The following MYLK variants were observed in gnomAD, a reference collection of about 807,000 sequenced individuals.
MYLK encodes the protein myosin light chain kinase, also known as myosin light chain kinase, smooth muscle.
Under a neutral mutation model 203.4 loss-of-function variants are expected in MYLK, and 106 were observed. That is an observed-to-expected ratio of 0.52 (90% CI 0.45 to 0.61). The LOEUF (loss-of-function observed/expected upper bound fraction) is 0.61, where lower values mean the gene tolerates loss of function less well. MYLK is among the 20% of genes least tolerant of loss of function. MYLK has a pLI of 0.00. For synonymous variants in MYLK, 867 were observed against 959.5 expected (o/e 0.90, Z 1.78); for missense variants, 2,072 against 2,442.3 (o/e 0.85, Z 3.20).
At chr3:123,878,519 C>G (rs1412489745) in intron 1 of MYLK, among the ~76,000 whole-genome samples, 2 of 152,186 alleles carry the variant, frequency 1.3e-5, no homozygotes, top group African/African-American at 4.8e-5. Context: ...ATTGGACCCT[C>G]AGACTAAAGA....
rs2063533680 is a variant in MYLK, at chr3:123,761,519, A to T, written c.166-8981T>A. On this transcript the variant is annotated intron_variant, in intron 4 of 33. Coordinates refer to ENST00000360304, the MANE Select transcript of MYLK (RefSeq NM_053025.4). ...ATGTGGCCAGGAGAGCATCTCTTTG[A>T]CTCTGCTGGAAAATACCTGGCACAA... Among the ~76,000 whole-genome samples the T allele has an allele frequency of 2.6e-5, 4 of 152,146 alleles. No individual in the cohort carries two copies. In the South Asian group the frequency reaches 6.3e-4, roughly 24 times the overall value.
chr3:123,659,561 C>A, intron 23 of MYLK: 1 of 381,630 alleles, frequency 2.6e-6, no homozygotes, highest in South Asian at 2.0e-5. Flanking sequence ...AGTCAGAAGT[C>A]CTAGGAGATT....
At chr3:123,673,392 C>T (rs1254652845) in intron 20 of MYLK, among the ~76,000 whole-genome samples, 2 of 151,922 alleles carry the variant, frequency 1.3e-5, no homozygotes, top group Non-Finnish European at 2.9e-5. Context: ...GGATTACAGA[C>T]GTGAGCCACC....
At chr3:123,712,919 T>C (rs1344075435) in intron 13 of MYLK, among the ~76,000 whole-genome samples, 1 of 152,260 alleles carries the variant, frequency 6.6e-6, no homozygotes, top group Non-Finnish European at 1.5e-5. Flanking sequence ...AATTACTCAA[T>C]GGGTTTATCA....
chr3:123,733,819 C>T lies in MYLK; in HGVS notation c.1177G>A (p.Asp393Asn). The stretch of plus-strand genomic sequence containing the variant: ...CTGTTAGCAGCCTTGCTCACAACAT[C>T]TTGGCTCCCCAGGCCAGGCTGCCTG... Reference protein sequence around the residue: ...PTRQPGLGSQDVVSKAANRRI... With the variant: ...PTRQPGLGSQNVVSKAANRRI... Residue 393 changes from aspartate to asparagine, a missense_variant, in exon 10 of 34, where the codon GAT becomes AAT. Physicochemically the swap from Asp to Asn is conservative, Grantham distance 23. Around this residue, in one of 3 missense-constraint regions of MYLK, gnomAD observed 683 missense variants for 643.8 expected, o/e 1.06. Transcript: ENST00000360304. 6.2e-7 allele frequency: 1 copy of T among 1,614,060 alleles called. No homozygotes were observed. The highest frequency in any genetic ancestry group is 1.1e-5 in the South Asian group (1 of 90,912).
At chr3:123,877,159 A>G (rs1248851257) in intron 1 of MYLK, among the ~76,000 whole-genome samples, 1 of 152,198 alleles carries the variant, frequency 6.6e-6, no homozygotes, top group Admixed American at 6.5e-5. Context: ...ACAGTCAGAG[A>G]CACAGGAAAG....
At chr3:123,688,871 C>T (rs941258996) in intron 19 of MYLK, among the ~76,000 whole-genome samples, 4 of 152,202 alleles carry the variant, frequency 2.6e-5, no homozygotes, top group African/African-American at 4.8e-5. Context: ...TATTCTCTCC[C>T]CCATTACCCT....
chr3:123,751,268 T>C (rs1275583740), intron 5 of MYLK, among the ~76,000 whole-genome samples: 2 of 152,222 alleles, frequency 1.3e-5, no homozygotes, highest in African/African-American at 4.8e-5. Context: ...GAACTAGAGA[T>C]ACTCTTTCCA....
At chr3:123,651,685 T>G (rs1576436288) in intron 24 of MYLK, among the ~76,000 whole-genome samples, 1 of 152,166 alleles carries the variant, frequency 6.6e-6, no homozygotes, top group East Asian at 1.9e-4. Context: ...GCAGGAGGCT[T>G]TCCCTGCGTG....
chr3:123,692,255 T>C, intron 19 of MYLK: 1 of 1,047,888 alleles, frequency 9.5e-7, no homozygotes, highest in Non-Finnish European at 1.2e-6. Context: ...CCCTGTCCTC[T>C]CTGTCCAGAG....
chr3:123,807,964 T>C (rs1336920220), intron 3 of MYLK, among the ~76,000 whole-genome samples: 1 of 152,196 alleles, frequency 6.6e-6, no homozygotes, highest in Admixed American at 6.5e-5. Context: ...CCTCCTGAGA[T>C]ATGAGGGCTC....
intron 1 of MYLK, among the ~76,000 whole-genome samples, chr3:123,880,778 A>G (rs2033481544): frequency 6.6e-6 from 1 of 152,092 alleles, no homozygotes; most frequent in African/African-American, 2.4e-5. Flanking sequence ...GCATCTGGAA[A>G]CACAGCCTTA....
At chr3:123,865,872 T>G (rs2032294646) in intron 2 of MYLK, among the ~76,000 whole-genome samples, 1 of 151,446 alleles carries the variant, frequency 6.6e-6, no homozygotes, top group Admixed American at 6.6e-5. Context: ...GACCAGGGAG[T>G]CTTCACCTGG....
chr3:123,727,252 G>A (rs2062323251), intron 11 of MYLK, among the ~76,000 whole-genome samples: 1 of 152,174 alleles, frequency 6.6e-6, no homozygotes, highest in African/African-American at 2.4e-5. Context: ...TACCTGGACA[G>A]GCCTGGCACT....
chr3:123,777,186 C>T (rs1160512442), intron 4 of MYLK, among the ~76,000 whole-genome samples: 1 of 152,252 alleles, frequency 6.6e-6, no homozygotes, highest in Admixed American at 6.5e-5. Context: ...TTTTATTAGG[C>T]AACTGCTATG....
intron 11 of MYLK, among the ~76,000 whole-genome samples, chr3:123,728,882 TG>T (rs1243899976): frequency 3.9e-5 from 6 of 152,216 alleles, no homozygotes; most frequent in African/African-American, 1.4e-4. Flanking sequence ...TTACTCTGTG[TG>T]GATGGCCCTG....
At chr3:123,743,746 G>T (rs941020931) in intron 5 of MYLK, among the ~76,000 whole-genome samples, 1 of 152,268 alleles carries the variant, frequency 6.6e-6, no homozygotes, top group South Asian at 2.1e-4. Context: ...GAAGGGATAA[G>T]GTAGACCTAG....
chr3:123,863,757 A>T (rs188141606), intron 2 of MYLK, among the ~76,000 whole-genome samples: 2 of 152,342 alleles, frequency 1.3e-5, no homozygotes, highest in Admixed American at 1.3e-4. Flanking sequence ...CATTGGAAAT[A>T]TAGGTGTATA....
At position 123,710,985 on chromosome 3, in the gene MYLK, G is replaced by T. The variant is rs146848724; in HGVS notation, c.1805-1092C>A. Among the ~76,000 whole-genome samples the T allele has an allele frequency of 4.8e-3, 737 of 152,238 alleles. 4 individuals are homozygous for T. Among genetic ancestry groups the T allele is most frequent in the African/African-American group, 0.017 (688 of 41,550 alleles). The stretch of plus-strand genomic sequence containing the variant: ...ACCAAGCTGTAGTCCCAGCTACTTG[G>T]GAGGCTGAGGTGGGAGGATCACTTG... On this transcript the variant is annotated intron_variant, in intron 13 of 33. Transcript: ENST00000360304.
Sources: gnomAD v4.1 joint callset for allele counts (sites outside exome capture counted in the v4.1 genomes callset) on GRCh38, gnomAD v4.1.1 for gene constraint, gnomAD v4.1.1 regional missense constraint, MANE v1.5 for transcripts, NCBI Gene and HGNC (gene_info 2026-07-23, HGNC 2026-07-21) for gene names.